The following SLC35F4 variants were observed in gnomAD, a reference collection of about 807,000 sequenced individuals.
SLC35F4 encodes the protein solute carrier family 35 member F4, also known as chromosome 14 open reading frame 36.
SLC35F4 carries 24 observed loss-of-function variants against 44.2 expected under a neutral mutation model. That is an observed-to-expected ratio of 0.54 (90% CI 0.39 to 0.76). SLC35F4 has a LOEUF of 0.76. Ranked by LOEUF, SLC35F4 falls within the 30% of genes least tolerant of loss-of-function variation. SLC35F4 has a pLI of 0.00. For missense variants in SLC35F4, 562 were observed against 586.1 expected (o/e 0.96, Z 0.42); for synonymous variants, 238 against 223.6 (o/e 1.06, Z -0.57).
At chr14:57,799,635 T>C (rs1250425050) in intron 1 of SLC35F4, 1 of 152,594 alleles carries the variant, frequency 6.6e-6, no homozygotes, top group Admixed American at 6.5e-5. Context: ...GGCCACCATC[T>C]CTGTGGTTCA....
At chr14:57,975,616 G>A (rs1881192928), downstream of SLC35F4, among the ~76,000 whole-genome samples, 1 of 152,200 alleles carries the variant, frequency 6.6e-6, no homozygotes, top group African/African-American at 2.4e-5. Context: ...TGGAAATGTA[G>A]AATGGACATA....
At chr14:57,589,900 T>A (rs1794227615) in intron 2 of SLC35F4, among the ~76,000 whole-genome samples, 2 of 152,108 alleles carry the variant, frequency 1.3e-5, no homozygotes, top group Non-Finnish European at 2.9e-5. Flanking sequence ...TAAGAAGCCT[T>A]AGGAGGCATC....
intron 1 of SLC35F4, among the ~76,000 whole-genome samples, chr14:57,958,709 C>T (rs1220373810): frequency 6.6e-6 from 1 of 152,058 alleles, no homozygotes; most frequent in East Asian, 1.9e-4. Flanking sequence ...TTTAGGAATG[C>T]CTAAAATTTT....
chr14:57,914,290 A>T (rs1594621414), intron 1 of SLC35F4, among the ~76,000 whole-genome samples: 2 of 152,184 alleles, frequency 1.3e-5, no homozygotes, highest in Non-Finnish European at 1.5e-5. Flanking sequence ...TCAGCCGGGC[A>T]TGGTGGCTCA....
intron 1 of SLC35F4, among the ~76,000 whole-genome samples, chr14:57,909,541 TAC>T (rs56024301): frequency 0.42 from 62,425 of 148,234 alleles, 14,762 homozygotes; most frequent in Non-Finnish European, 0.53. Context: ...CAGTTGGAAA[TAC>T]ACACACACAC....
intron 1 of SLC35F4, among the ~76,000 whole-genome samples, chr14:57,873,316 A>G (rs1228020795): frequency 6.6e-6 from 1 of 152,196 alleles, no homozygotes; most frequent in African/African-American, 2.4e-5. Context: ...AAAGAGCCTC[A>G]AGTAACATTT....
At chr14:57,924,751 T>G (rs1413178005) in intron 1 of SLC35F4, among the ~76,000 whole-genome samples, 1 of 151,734 alleles carries the variant, frequency 6.6e-6, no homozygotes, top group African/African-American at 2.4e-5. Context: ...CCAGCCTACT[T>G]TTTTCTTTCT....
chr14:57,915,517 T>G (rs1661909930), intron 1 of SLC35F4, among the ~76,000 whole-genome samples: 1 of 152,226 alleles, frequency 6.6e-6, no homozygotes, highest in Non-Finnish European at 1.5e-5. Context: ...CACATCTCAC[T>G]ATATGTGGTT....
chr14:57,689,246 C>T (rs1199185458), intron 1 of SLC35F4, among the ~76,000 whole-genome samples: 2 of 152,128 alleles, frequency 1.3e-5, no homozygotes, highest in Non-Finnish European at 2.9e-5. Context: ...TCATTCCACC[C>T]TCAACTCGTC....
chr14:57,665,332 A>C (rs2074272759), intron 1 of SLC35F4, among the ~76,000 whole-genome samples: 1 of 152,086 alleles, frequency 6.6e-6, no homozygotes, highest in Non-Finnish European at 1.5e-5. Flanking sequence ...AATAATAGCT[A>C]TTACTTATTG....
chr14:57,612,383 G>A (rs766200859), intron 1 of SLC35F4, among the ~76,000 whole-genome samples: 15 of 152,194 alleles, frequency 9.9e-5, no homozygotes, highest in East Asian at 1.9e-4. Context: ...GTTGATGACC[G>A]CTTCTCCCCA....
At chr14:57,603,484 G>A (rs990410825) in intron 1 of SLC35F4, among the ~76,000 whole-genome samples, 2 of 152,174 alleles carry the variant, frequency 1.3e-5, no homozygotes, top group African/African-American at 4.8e-5. Flanking sequence ...ACTGAAGGAA[G>A]CTAAATAATT....
chr14:57,908,736 C>A (rs535045919), intron 1 of SLC35F4, among the ~76,000 whole-genome samples: 1 of 152,288 alleles, frequency 6.6e-6, no homozygotes, highest in South Asian at 2.1e-4. Flanking sequence ...TGTAGGTTGC[C>A]TGCTCACTCT....
intron 1 of SLC35F4, among the ~76,000 whole-genome samples, chr14:57,606,116 A>G (rs570716840): frequency 3.3e-5 from 5 of 152,332 alleles, no homozygotes; most frequent in Admixed American, 2.0e-4. Context: ...TTCTAAAATG[A>G]AAGTTGAAAA....
At chr14:57,732,025 A>T (rs1448400597) in intron 1 of SLC35F4, among the ~76,000 whole-genome samples, 29 of 152,206 alleles carry the variant, frequency 1.9e-4, no homozygotes, top group Admixed American at 1.9e-3. Flanking sequence ...CAATACACAT[A>T]GTCTGGCTAA....
intron 6 of SLC35F4, among the ~76,000 whole-genome samples, chr14:57,568,409 T>G (rs2068312239): frequency 6.6e-6 from 1 of 152,018 alleles, no homozygotes; most frequent in South Asian, 2.1e-4. Context: ...TTAGGATTGT[T>G]CCCATTTATG....
chr14:57,758,993 T>A (rs1038962793), intron 1 of SLC35F4, among the ~76,000 whole-genome samples: 2 of 152,190 alleles, frequency 1.3e-5, no homozygotes, highest in East Asian at 3.8e-4. Context: ...ATAAATCTAA[T>A]TCTGTGACTG....
At chr14:57,904,581 G>A (rs1889072120) in intron 1 of SLC35F4, among the ~76,000 whole-genome samples, 2 of 152,196 alleles carry the variant, frequency 1.3e-5, no homozygotes, top group South Asian at 2.1e-4. Context: ...GAGAAACATT[G>A]AAGTGGGCTT....
chr14:57,782,465 C>T (rs573499152), intron 1 of SLC35F4, among the ~76,000 whole-genome samples: 12 of 151,950 alleles, frequency 7.9e-5, no homozygotes, highest in African/African-American at 2.9e-4. Flanking sequence ...ATAAAACGTA[C>T]ACAAATATGC....
Sources: gnomAD v4.1 joint callset for allele counts (sites outside exome capture counted in the v4.1 genomes callset) on GRCh38, gnomAD v4.1.1 for gene constraint, MANE v1.5 for transcripts, NCBI Gene and HGNC (gene_info 2026-07-23, HGNC 2026-07-21) for gene names.